The following KPNA1 variants were observed in gnomAD, a reference collection of about 807,000 sequenced individuals.
KPNA1 encodes importin subunit alpha-5.
A neutral mutation model predicts 70.5 loss-of-function variants in KPNA1; 10 were observed. The observed-to-expected ratio is 0.14, with a 90% CI of 0.09 to 0.24. The LOEUF (loss-of-function observed/expected upper bound fraction) is 0.24, where lower values mean the gene tolerates loss of function less well. KPNA1 is among the 10% of genes least tolerant of loss of function. KPNA1 has a pLI of 1.00. For missense variants in KPNA1, 397 were observed against 637.9 expected, an observed-to-expected ratio of 0.62 and a Z score of 4.07; for synonymous variants, 192 against 221.9, an observed-to-expected ratio of 0.87 and a Z score of 1.20.
intron 2 of KPNA1, among the ~76,000 whole-genome samples, chr3:122,493,334 C>T (rs1035474358): frequency 5.4e-5 from 8 of 148,196 alleles, no homozygotes; most frequent in Admixed American, 4.8e-4. Context: ...AATACTACCC[C>T]ACAATGATAA....
intron 2 of KPNA1, among the ~76,000 whole-genome samples, chr3:122,493,661 G>A (rs1009695616): frequency 6.6e-6 from 1 of 152,154 alleles, no homozygotes; most frequent in Non-Finnish European, 1.5e-5. Context: ...AGGAAGGAAG[G>A]AGCTTCTCAA....
chr3:122,475,522 A>G (rs2076487646), intron 2 of KPNA1, among the ~76,000 whole-genome samples: 1 of 152,218 alleles, frequency 6.6e-6, no homozygotes, highest in Non-Finnish European at 1.5e-5. Context: ...ATGGACCTAC[A>G]AAAGACCCCA....
At chr3:122,475,377 ATTC>A (rs2076485792) in intron 2 of KPNA1, among the ~76,000 whole-genome samples, 1 of 152,224 alleles carries the variant, frequency 6.6e-6, no homozygotes, top group African/African-American at 2.4e-5. Context: ...ATGGAAAGAT[ATTC>A]TTATGTTCAT....
intron 8 of KPNA1, among the ~76,000 whole-genome samples, chr3:122,450,339 T>G (rs2076185204): frequency 6.6e-6 from 1 of 152,116 alleles, no homozygotes; most frequent in Non-Finnish European, 1.5e-5. Flanking sequence ...CCCAGCACTT[T>G]GGGAGGCTGA....
chr3:122,467,048 TAAATAAG>T (rs1400820352), intron 3 of KPNA1, among the ~76,000 whole-genome samples: 31 of 148,156 alleles, frequency 2.1e-4, no homozygotes, highest in Admixed American at 4.7e-4. Context: ...AATAAATAAA[TAAATAAG>T]GTGTCTATTC....
rs2075797180 is a variant in KPNA1 at position 122,424,528 on chromosome 3, G to T, written c.*2457C>A. 6.6e-6 allele frequency: 1 copy of T among 152,494 alleles called. No individual in the cohort carries two copies. The highest frequency in any genetic ancestry group is 6.6e-5 in the Admixed American group (1 of 15,262). 9.4% of individuals were successfully genotyped at this position (152,494 alleles called of 1,614,324 possible). ...AGATCTTATAGTTCATGAACTTCTA[G>T]GACAAGATAAATTCCTCTGTTTTAG... On this transcript the variant is annotated 3_prime_UTR_variant, in exon 14 of 14. Transcript: ENST00000344337.
At chr3:122,433,938 CTT>C in intron 11 of KPNA1, 150 bp from the exon 12 acceptor site, 1 of 634,070 alleles carries the variant, frequency 1.6e-6, no homozygotes, top group South Asian at 2.4e-5. Flanking sequence ...TATCTCTAAC[CTT>C]TTTTTTTCTT....
intron 2 of KPNA1, among the ~76,000 whole-genome samples, chr3:122,477,586 G>A (rs543691971): frequency 6.6e-6 from 1 of 152,136 alleles, no homozygotes; most frequent in East Asian, 1.9e-4. Flanking sequence ...TGTAGTCCCA[G>A]CTACTCAAAA....
At chr3:122,493,805 G>A (rs1286586995) in intron 2 of KPNA1, among the ~76,000 whole-genome samples, 6 of 152,054 alleles carry the variant, frequency 3.9e-5, no homozygotes, top group Admixed American at 1.3e-4. Flanking sequence ...GGCTGGTCTC[G>A]AACTCCTGAT....
chr3:122,464,436 G>A (rs2076358669), intron 3 of KPNA1, among the ~76,000 whole-genome samples: 1 of 152,114 alleles, frequency 6.6e-6, no homozygotes. Context: ...TCAATCGTAT[G>A]CCCCAGCCCT....
At chr3:122,450,993 G>A (rs1300867456) in intron 8 of KPNA1, among the ~76,000 whole-genome samples, 1 of 152,200 alleles carries the variant, frequency 6.6e-6, no homozygotes, top group East Asian at 1.9e-4. Context: ...GGGACTCAGG[G>A]AGAAAGGGTC....
chr3:122,452,893 T>C (rs2076226963), intron 6 of KPNA1, among the ~76,000 whole-genome samples: 1 of 151,942 alleles, frequency 6.6e-6, no homozygotes, highest in Non-Finnish European at 1.5e-5. Context: ...AAGAAAACAG[T>C]GAACAAAAAG....
chr3:122,426,137 T>C lies in KPNA1; in HGVS notation c.*848A>G, dbSNP rs963553377. On this transcript the variant is annotated 3_prime_UTR_variant, in exon 14 of 14. Coordinates refer to ENST00000344337, the MANE Select transcript of KPNA1 (RefSeq NM_002264.4). ...GTTTTTTTTATTAAATTACAGGATA[T>C]GGTTTTCGATTACTAAGTATTCGAA... 6.6e-6 allele frequency: 1 copy of C among 152,256 alleles called. No homozygotes were observed. The highest frequency in any genetic ancestry group is 1.5e-5 in the Non-Finnish European group (1 of 68,044). 9.4% of individuals were successfully genotyped at this position (152,256 alleles called of 1,614,324 possible).
rs565546196 is a variant in KPNA1 at position 122,487,323 on chromosome 3, C to T, written c.129+9114G>A. On this transcript the variant is annotated intron_variant, in intron 2 of 13. Transcript: ENST00000344337. ...AAATCAAAACTACCATAAAATAAAA[C>T]GTGTACCCACTATGAAAAACAGTAG... Among the ~76,000 whole-genome samples, 11 of 152,292 alleles carry T rather than the reference C, an allele frequency of 7.2e-5. No homozygotes were observed. The South Asian group carries it at 1.0e-3, about 14-fold the overall frequency.
intron 2 of KPNA1, among the ~76,000 whole-genome samples, chr3:122,483,396 G>A (rs946076120): frequency 6.6e-6 from 1 of 152,050 alleles, no homozygotes; most frequent in Non-Finnish European, 1.5e-5. Context: ...CGAGGCTGGA[G>A]TACAACGGTA....
chr3:122,481,322 A>G (rs2076568205), intron 2 of KPNA1, among the ~76,000 whole-genome samples: 1 of 152,254 alleles, frequency 6.6e-6, no homozygotes, highest in Non-Finnish European at 1.5e-5. Flanking sequence ...TATCTGCACA[A>G]TGGAATATTT....
intron 9 of KPNA1, among the ~76,000 whole-genome samples, chr3:122,444,561 T>C (rs763839672): frequency 1.3e-5 from 2 of 152,206 alleles, no homozygotes; most frequent in African/African-American, 2.4e-5. Context: ...CCTTCTGCCA[T>C]GGCTTCAGCC....
intron 5 of KPNA1, among the ~76,000 whole-genome samples, chr3:122,455,491 G>A (rs1273941595): frequency 6.6e-6 from 1 of 152,074 alleles, no homozygotes; most frequent in Non-Finnish European, 1.5e-5. Flanking sequence ...ACTAATGAAA[G>A]CAACACTCAG....
At chr3:122,457,210 T>C (rs960775392) in intron 5 of KPNA1, among the ~76,000 whole-genome samples, 1 of 152,234 alleles carries the variant, frequency 6.6e-6, no homozygotes, top group Non-Finnish European at 1.5e-5. Flanking sequence ...AGATTTGCCA[T>C]CTATTTTTTT....
Sources: allele counts gnomAD v4.1 joint callset (sites outside exome capture counted in the v4.1 genomes callset), GRCh38; gene constraint gnomAD v4.1.1; transcripts MANE v1.5; gene names NCBI Gene and HGNC (gene_info 2026-07-23, HGNC 2026-07-21).